The following LRRC53 variants were observed in gnomAD, a reference collection of about 807,000 sequenced individuals.
LRRC53 encodes the protein leucine rich repeat containing 53.
A neutral mutation model predicts 13.6 loss-of-function variants in LRRC53; 25 were observed. That is an observed-to-expected ratio of 1.83 (90% CI 1.34 to 2.56). LRRC53 has a LOEUF of 2.56. LRRC53 is among the 30% of genes most tolerant of loss of function. LRRC53 has a pLI of 0.00. For synonymous variants in LRRC53, 204 were observed against 109.8 expected (o/e 1.86, Z -5.37); for missense variants, 527 against 275.8 (o/e 1.91, Z -6.45).
upstream of LRRC53, among the ~76,000 whole-genome samples, chr1:74,514,713 A>C (rs1460107213): frequency 2.0e-5 from 3 of 152,136 alleles, no homozygotes; most frequent in Non-Finnish European, 4.4e-5. Flanking sequence ...ACACCATAAG[A>C]AATTCTGTTT....
the LRRC53 span, among the ~76,000 whole-genome samples, chr1:74,526,035 T>A: frequency 1.3e-5 from 2 of 152,222 alleles, no homozygotes; most frequent in East Asian, 3.8e-4. Context: ...AGGTTTGGTA[T>A]ACATTCGCTT....
At chr1:74,532,462 C>CT in the LRRC53 span, among the ~76,000 whole-genome samples, 1 of 151,212 alleles carries the variant, frequency 6.6e-6, no homozygotes, top group Non-Finnish European at 1.5e-5. Flanking sequence ...TTATTTTTTT[C>CT]TTTTTTTTCT....
chr1:74,514,727 A>G (rs891015425), upstream of LRRC53, among the ~76,000 whole-genome samples: 11 of 152,026 alleles, frequency 7.2e-5, no homozygotes, highest in Non-Finnish European at 1.3e-4. Context: ...TCTGTTTGGA[A>G]CTCATGATAA....
the LRRC53 span, among the ~76,000 whole-genome samples, chr1:74,522,767 G>C: frequency 6.6e-6 from 1 of 152,030 alleles, no homozygotes; most frequent in South Asian, 2.1e-4. Context: ...GATTAAAACT[G>C]GTGTATTTCT....
intron 1 of LRRC53, among the ~76,000 whole-genome samples, chr1:74,505,064 T>C (rs776288777): frequency 4.6e-5 from 7 of 152,134 alleles, no homozygotes; most frequent in Non-Finnish European, 7.4e-5. Flanking sequence ...AGGTTTTCAT[T>C]CCTGAAAATG....
the LRRC53 span, among the ~76,000 whole-genome samples, chr1:74,525,860 A>G: frequency 6.6e-6 from 1 of 152,186 alleles, no homozygotes; most frequent in South Asian, 2.1e-4. Context: ...ATCACACCAG[A>G]GTGGGGTAAG....
At chr1:74,513,864 G>A (rs905731520), upstream of LRRC53, among the ~76,000 whole-genome samples, 17 of 152,192 alleles carry the variant, frequency 1.1e-4, no homozygotes, top group Non-Finnish European at 1.9e-4. Flanking sequence ...AATCTTTAAA[G>A]ATTTCAAGAA....
chr1:74,535,060 A>G, the LRRC53 span, among the ~76,000 whole-genome samples: 1 of 152,202 alleles, frequency 6.6e-6, no homozygotes, highest in Non-Finnish European at 1.5e-5. Context: ...GCCCTGGCCA[A>G]ATGTTGGACA....
In LRRC53 at chr1:74,479,314, T is replaced by A. The variant is rs535185375; in HGVS notation, c.904+839A>T. On this transcript the variant is annotated intron_variant, in intron 3 of 4. Transcript: ENST00000294635. ...TAATGACACTAAGTGTCATTTTATA[T>A]TATTCATCCAGTGAGATGTAATGAT... 8.1e-4 allele frequency among the ~76,000 whole-genome samples: 124 copies of A among 152,350 alleles called. 1 individual carries two copies. Among genetic ancestry groups the A allele is most frequent in the Non-Finnish European group, 1.3e-3 (87 of 68,024 alleles).
At chr1:74,479,868 T>A (rs1668392018) in intron 3 of LRRC53, among the ~76,000 whole-genome samples, 1 of 152,240 alleles carries the variant, frequency 6.6e-6, no homozygotes, top group African/African-American at 2.4e-5. Context: ...GAAACTAAAG[T>A]CTAAATAGCA....
chr1:74,504,949 G>A (rs2100355347), intron 1 of LRRC53, among the ~76,000 whole-genome samples: 1 of 152,232 alleles, frequency 6.6e-6, no homozygotes, highest in African/African-American at 2.4e-5. Flanking sequence ...ATTCGCCGGA[G>A]GCAAACTGCT....
chr1:74,507,312 T>C (rs1175091805), intron 1 of LRRC53, among the ~76,000 whole-genome samples: 1 of 149,916 alleles, frequency 6.7e-6, no homozygotes, highest in African/African-American at 2.4e-5. Flanking sequence ...TAGGAAGTTG[T>C]CCTAAATACC....
At chr1:74,508,585 T>C (rs1195876583) in intron 1 of LRRC53, among the ~76,000 whole-genome samples, 1 of 152,146 alleles carries the variant, frequency 6.6e-6, no homozygotes, top group Non-Finnish European at 1.5e-5. Flanking sequence ...GGAGGCAGAC[T>C]GCATTCAGAG....
intron 1 of LRRC53, among the ~76,000 whole-genome samples, chr1:74,503,229 C>T (rs1457139725): frequency 3.3e-5 from 5 of 152,180 alleles, no homozygotes; most frequent in East Asian, 1.9e-4. Flanking sequence ...AAAGACCACT[C>T]TTTCTCATGC....
the LRRC53 span, among the ~76,000 whole-genome samples, chr1:74,534,237 A>G: frequency 2.1e-4 from 32 of 152,220 alleles, no homozygotes; most frequent in Middle Eastern, 3.4e-3. Flanking sequence ...CTTTCAAGCC[A>G]TGTAAAATAG....
At chr1:74,508,129 T>G (rs1670000562) in intron 1 of LRRC53, among the ~76,000 whole-genome samples, 1 of 152,262 alleles carries the variant, frequency 6.6e-6, no homozygotes, top group African/African-American at 2.4e-5. Context: ...TGTGGATAGC[T>G]TCTTGCAAAA....
chr1:74,504,157 C>T (rs1365593679), intron 1 of LRRC53, among the ~76,000 whole-genome samples: 1 of 152,220 alleles, frequency 6.6e-6, no homozygotes, highest in Non-Finnish European at 1.5e-5. Flanking sequence ...AAATTGATTG[C>T]TAGTGCCCTC....
upstream of LRRC53, among the ~76,000 whole-genome samples, chr1:74,517,083 T>C (rs1425335083): frequency 6.6e-6 from 1 of 152,154 alleles, no homozygotes; most frequent in Non-Finnish European, 1.5e-5. Context: ...ATTCAGCTTT[T>C]CCCCCACCCC....
the LRRC53 span, among the ~76,000 whole-genome samples, chr1:74,527,559 T>G: frequency 2.0e-5 from 3 of 151,908 alleles, no homozygotes; most frequent in Admixed American, 6.6e-5. Context: ...CTATGGTGGA[T>G]AGGGAGGGGA....
Sources: gnomAD v4.1 joint callset for allele counts (sites outside exome capture counted in the v4.1 genomes callset) on GRCh38, gnomAD v4.1.1 for gene constraint, MANE v1.5 for transcripts, NCBI Gene and HGNC (gene_info 2026-07-23, HGNC 2026-07-21) for gene names.